Variants in CLSTN2 observed in about 807,000 individuals in gnomAD.
CLSTN2 encodes the protein calsyntenin 2.
Under a neutral mutation model 101.2 loss-of-function variants are expected in CLSTN2, and 48 were observed. The ratio of observed to expected loss-of-function variants is 0.47; its 90% confidence interval spans 0.38 to 0.60. CLSTN2 has a LOEUF of 0.60. Among genes scored for constraint, CLSTN2 ranks in the 20% least tolerant of loss-of-function variants. The pLI is 0.00. For synonymous variants in CLSTN2, 481 were observed against 463.6 expected (o/e 1.04, Z -0.48); for missense variants, 1,160 against 1,238.2 (o/e 0.94, Z 0.95).
chr3:140,229,694 C>T (rs1347303529), intron 2 of CLSTN2, among the ~76,000 whole-genome samples: 2 of 151,958 alleles, frequency 1.3e-5, no homozygotes, highest in Non-Finnish European at 2.9e-5. Flanking sequence ...GGCTTAAAAC[C>T]CTGCTCCCGC....
rs1357825692 is a variant in CLSTN2 at position 140,567,407 on chromosome 3, C to A, written c.*1154C>A. 2 of 152,244 alleles carry A rather than the reference C, an allele frequency of 1.3e-5. No individual in the cohort carries two copies. The highest frequency in any genetic ancestry group is 2.9e-5 in the Non-Finnish European group (2 of 68,048). The allele number at this position is 152,244 out of a possible 1,614,324, so 9.4% of individuals were successfully genotyped here. A position where few individuals can be genotyped will look rare whatever the true frequency, so the allele number is the denominator to read the frequency against. ...CTGCAAGGAATTAGAAGCATATTTG[C>A]AATCATTGCAGCTTCTTCTTTCTTC... On this transcript the variant is annotated 3_prime_UTR_variant, in exon 17 of 17. Coordinates refer to ENST00000458420, the MANE Select transcript of CLSTN2 (RefSeq NM_022131.3).
chr3:140,341,550 C>A (rs1420242355), intron 2 of CLSTN2, among the ~76,000 whole-genome samples: 1 of 152,210 alleles, frequency 6.6e-6, no homozygotes, highest in African/African-American at 2.4e-5. Context: ...GGGCATAAAT[C>A]TTGCTGAAGA....
intron 1 of CLSTN2, among the ~76,000 whole-genome samples, chr3:140,019,442 C>A (rs1047092423): frequency 6.6e-6 from 1 of 152,300 alleles, no homozygotes; most frequent in Non-Finnish European, 1.5e-5. Flanking sequence ...CCCTGGGTCA[C>A]CATAATCACC....
Position 140,466,613 on chromosome 3 carries a change from T to C in CLSTN2, c.1226T>C (p.Met409Thr), listed in dbSNP as rs377608508. ...AAACCTTCTTTCTGCTTTTCAGAAA[T>C]GAACCGGCATCACTATGCCCTGTAT... The part of the protein sequence containing the change: ...TILCNSDKTE[M>T]NRHHYALYVH... The change falls in exon 8 of 17, where the codon ATG becomes ACG. Residue 409 changes from methionine (M) to threonine (T), a missense_variant. Transcript: ENST00000458420. 2.5e-6 allele frequency: 4 copies of C among 1,614,026 alleles called. No homozygotes were observed. Among genetic ancestry groups the C allele is most frequent in the Non-Finnish European group, 3.4e-6 (4 of 1,180,004 alleles).
chr3:140,077,585 C>T (rs1421993054), intron 1 of CLSTN2, among the ~76,000 whole-genome samples: 1 of 152,116 alleles, frequency 6.6e-6, no homozygotes, highest in Non-Finnish European at 1.5e-5. Flanking sequence ...AGGGGCTCTG[C>T]CTGTCAGGAA....
chr3:140,065,647 C>T (rs1001732749), intron 1 of CLSTN2, among the ~76,000 whole-genome samples: 1 of 152,184 alleles, frequency 6.6e-6, no homozygotes, highest in Admixed American at 6.5e-5. Context: ...CCAGACTTAA[C>T]TGGTCTCTAA....
At chr3:140,070,683 AGGTTTGTTTTTTCTT>A (rs1307165327) in intron 1 of CLSTN2, among the ~76,000 whole-genome samples, 1 of 152,180 alleles carries the variant, frequency 6.6e-6, no homozygotes, top group African/African-American at 2.4e-5. Flanking sequence ...TAGTCCCAAA[AGGTTTGTTTTTTCTT>A]GGTGGGAAGA....
chr3:140,524,679 T>A (rs944539076), intron 8 of CLSTN2, among the ~76,000 whole-genome samples: 1 of 152,140 alleles, frequency 6.6e-6, no homozygotes, highest in African/African-American at 2.4e-5. Flanking sequence ...CTAAGATCAA[T>A]CACATGCTCA....
intron 2 of CLSTN2, among the ~76,000 whole-genome samples, chr3:140,304,743 G>C (rs528147732): frequency 6.6e-6 from 1 of 152,104 alleles, no homozygotes; most frequent in Non-Finnish European, 1.5e-5. Context: ...TTGAATCAGC[G>C]CAAAGGGTTA....
intron 1 of CLSTN2, among the ~76,000 whole-genome samples, chr3:140,017,321 G>T (rs1233893775): frequency 1.3e-5 from 2 of 152,186 alleles, no homozygotes; most frequent in Non-Finnish European, 2.9e-5. Flanking sequence ...TGTGATACAG[G>T]AAGGTTGGGA....
intron 5 of CLSTN2, among the ~76,000 whole-genome samples, chr3:140,441,410 C>A (rs960319358): frequency 6.6e-6 from 1 of 152,236 alleles, no homozygotes; most frequent in Non-Finnish European, 1.5e-5. Flanking sequence ...TGTTTCTTAA[C>A]CACTCATTGT....
chr3:140,144,570 C>A (rs761281595), intron 1 of CLSTN2, among the ~76,000 whole-genome samples: 13 of 152,030 alleles, frequency 8.6e-5, no homozygotes, highest in Admixed American at 5.2e-4. Flanking sequence ...GAGCCAAGAT[C>A]GCGCCACTGC....
intron 2 of CLSTN2, among the ~76,000 whole-genome samples, chr3:140,376,388 C>T (rs922146717): frequency 2.6e-5 from 4 of 152,198 alleles, no homozygotes; most frequent in East Asian, 1.9e-4. Flanking sequence ...GTGATGGAGA[C>T]GGATGGAATG....
At chr3:140,256,276 C>T (rs1419844700) in intron 2 of CLSTN2, among the ~76,000 whole-genome samples, 1 of 152,182 alleles carries the variant, frequency 6.6e-6, no homozygotes, top group Non-Finnish European at 1.5e-5. Context: ...AACATTTAGA[C>T]ATTAAACTAC....
At chr3:140,130,719 C>A (rs2107803952) in intron 1 of CLSTN2, among the ~76,000 whole-genome samples, 1 of 152,294 alleles carries the variant, frequency 6.6e-6, no homozygotes, top group African/African-American at 2.4e-5. Context: ...CTGACCCAGC[C>A]TGAAGGGTCC....
intron 1 of CLSTN2, among the ~76,000 whole-genome samples, chr3:140,127,059 G>A (rs1198282970): frequency 2.0e-5 from 3 of 151,798 alleles, no homozygotes; most frequent in Non-Finnish European, 4.4e-5. Context: ...TGTATCATAT[G>A]TCATATATAT....
intron 7 of CLSTN2, among the ~76,000 whole-genome samples, chr3:140,465,764 C>T (rs766373327): frequency 1.3e-5 from 2 of 152,192 alleles, no homozygotes; most frequent in Non-Finnish European, 2.9e-5. Context: ...ACCCAAGTTA[C>T]AACTCCACCC....
At chr3:140,222,294 A>G (rs2086281509) in intron 2 of CLSTN2, among the ~76,000 whole-genome samples, 1 of 152,200 alleles carries the variant, frequency 6.6e-6, no homozygotes, top group African/African-American at 2.4e-5. Context: ...TAGAGAGTAG[A>G]AGAATGGTTA....
intron 2 of CLSTN2, among the ~76,000 whole-genome samples, chr3:140,260,066 A>G (rs1330876952): frequency 6.6e-6 from 1 of 151,672 alleles, no homozygotes; most frequent in Admixed American, 6.6e-5. Flanking sequence ...AATCCCAGTG[A>G]CATGCAATTT....
Sources: allele counts gnomAD v4.1 joint callset (sites outside exome capture counted in the v4.1 genomes callset), GRCh38; gene constraint gnomAD v4.1.1; transcripts MANE v1.5; gene names NCBI Gene and HGNC (gene_info 2026-07-23, HGNC 2026-07-21).